Variants in SUMF1 observed in about 807,000 individuals in gnomAD.
SUMF1 encodes sulfatase modifying factor 1.
A neutral mutation model predicts 47.6 loss-of-function variants in SUMF1; 48 were observed. The observed-to-expected ratio is 1.01, with a 90% confidence interval of 0.80 to 1.28. The LOEUF (loss-of-function observed/expected upper bound fraction) is 1.28. Ranked by LOEUF, SUMF1 falls within the 50% of genes most tolerant of loss-of-function variation. The pLI, the probability that SUMF1 is intolerant of heterozygous loss-of-function variation, is 0.00. For missense variants in SUMF1, 571 were observed against 485.4 expected, an observed-to-expected ratio of 1.18 and a Z score of -1.66; for synonymous variants, 230 against 192.1, an observed-to-expected ratio of 1.20 and a Z score of -1.63.
chr3:4,283,413 T>C (rs987415618), intron 8 of SUMF1, among the ~76,000 whole-genome samples: 4 of 152,240 alleles, frequency 2.6e-5, no homozygotes, highest in Admixed American at 6.5e-5. Flanking sequence ...TATTAATACG[T>C]TCTCCAACCC....
intron 9 of SUMF1, among the ~76,000 whole-genome samples, chr3:4,045,141 G>C (rs1449808914): frequency 6.6e-6 from 1 of 152,126 alleles, no homozygotes; most frequent in Admixed American, 6.5e-5. Flanking sequence ...TCCACAGTCA[G>C]TTAATTATAA....
At chr3:4,292,403 C>T (rs1026577457) in intron 8 of SUMF1, among the ~76,000 whole-genome samples, 1 of 152,128 alleles carries the variant, frequency 6.6e-6, no homozygotes, top group East Asian at 1.9e-4. Flanking sequence ...CAGTACATGA[C>T]AAGAAGGGGC....
chr3:4,442,715 C>G (rs1399249926), intron 3 of SUMF1, among the ~76,000 whole-genome samples: 1 of 148,750 alleles, frequency 6.7e-6, no homozygotes, highest in African/African-American at 2.5e-5. Flanking sequence ...TCTCAGAAGA[C>G]AGGAGGCCAT....
In SUMF1 at chr3:4,067,728, T is replaced by C. The variant is rs200929635; in HGVS notation, c.1191+841A>G. Among the ~76,000 whole-genome samples, 22 of 152,234 alleles carry C rather than the reference T, an allele frequency of 1.4e-4. No individual in the cohort carries two copies. The East Asian group carries it at 3.5e-3, about 24-fold the overall frequency. ...AAAGAAATCCATTCATATACTTTTC[T>C]CCCAGAATTCTGATGTCCTGCAGGT... On this transcript the variant is annotated intron_variant and NMD_transcript_variant, in intron 9 of 12. Transcript: ENST00000448413.
intron 3 of SUMF1, among the ~76,000 whole-genome samples, chr3:4,445,743 T>C (rs908242811): frequency 6.6e-6 from 1 of 152,136 alleles, no homozygotes; most frequent in African/African-American, 2.4e-5. Context: ...ACTAAATATA[T>C]ACACAGACAC....
At chr3:4,107,394 T>C (rs1298608931) in intron 8 of SUMF1, among the ~76,000 whole-genome samples, 1 of 152,142 alleles carries the variant, frequency 6.6e-6, no homozygotes, top group African/African-American at 2.4e-5. Flanking sequence ...GAGAGGCAGC[T>C]ATCACTGAGG....
chr3:4,433,210 T>C (rs1702291959), intron 3 of SUMF1, among the ~76,000 whole-genome samples: 1 of 152,220 alleles, frequency 6.6e-6, no homozygotes, highest in Non-Finnish European at 1.5e-5. Context: ...TCAGAATCAT[T>C]GTTACCTCTT....
chr3:4,257,953 C>T lies in SUMF1; in HGVS notation c.1014+118377G>A, dbSNP rs1383445580. ...AACAGAACAGAGCCCTCAGAAATAA[C>T]GCCGCATGTCTACAACTATCTGATC... On this transcript the variant is annotated intron_variant and NMD_transcript_variant, in intron 8 of 12. Transcript: ENST00000448413. 7.4e-4 allele frequency among the ~76,000 whole-genome samples: 113 copies of T among 151,994 alleles called. 1 individual carries two copies. Among genetic ancestry groups the T allele is most frequent in the Admixed American group, 1.5e-3 (23 of 15,268 alleles).
At chr3:4,174,356 CAA>C (rs547741138) in intron 8 of SUMF1, among the ~76,000 whole-genome samples, 71,825 of 112,064 alleles carry the variant, frequency 0.64, 21,654 homozygotes, top group South Asian at 0.69. Context: ...ACTCCGTCTC[CAA>C]AAAAAAAAAA....
rs529027599 is a variant in SUMF1, at chr3:4,383,161, T to TGGAGGTCA, written c.955-6780_955-6773dup. On this transcript the variant is annotated intron_variant, in intron 7 of 8. Transcript: ENST00000272902. Reference sequence around the variant, plus strand: ...TGGGAGGCCAAGGCAGACGGATCACTGGAGGTCAGGAGCTCAAGACCATCC... The same window carrying TGGAGGTCA: ...TGGGAGGCCAAGGCAGACGGATCACTGGAGGTCAGGAGGTCAGGAGCTCAAGACCATCC... 2.7e-3 allele frequency among the ~76,000 whole-genome samples: 409 copies of TGGAGGTCA among 152,194 alleles called. 1 individual carries two copies. The highest frequency in any genetic ancestry group is 9.4e-3 in the African/African-American group (392 of 41,522).
intron 8 of SUMF1, among the ~76,000 whole-genome samples, chr3:4,243,771 T>A (rs1400488779): frequency 6.6e-6 from 1 of 152,200 alleles, no homozygotes; most frequent in Non-Finnish European, 1.5e-5. Context: ...TGAAGATATC[T>A]AAGGTTCGCA....
chr3:4,422,382 A>C (rs1006287542), intron 3 of SUMF1, among the ~76,000 whole-genome samples: 2 of 152,214 alleles, frequency 1.3e-5, no homozygotes, highest in Non-Finnish European at 2.9e-5. Flanking sequence ...TTAAAAAATA[A>C]AAATAAAAAA....
At chr3:4,056,968 G>A (rs7615905) in intron 9 of SUMF1, among the ~76,000 whole-genome samples, 30,671 of 151,504 alleles carry the variant, frequency 0.2, 3,874 homozygotes, top group Middle Eastern at 0.3. Context: ...GGATGGTCTC[G>A]ATCTCCTGAC....
chr3:4,266,297 A>T (rs1013879592), intron 8 of SUMF1, among the ~76,000 whole-genome samples: 8 of 151,842 alleles, frequency 5.3e-5, no homozygotes, highest in Admixed American at 2.0e-4. Flanking sequence ...GGGGATGGCA[A>T]TGAATCTATA....
intron 8 of SUMF1, among the ~76,000 whole-genome samples, chr3:4,337,819 A>T (rs308730): frequency 0.78 from 118,560 of 152,074 alleles, 46,750 homozygotes; most frequent in African/African-American, 0.9. Flanking sequence ...TTATTTTGGA[A>T]GTGTTTTCTT....
At chr3:4,082,227 G>A (rs1445477712) in intron 8 of SUMF1, among the ~76,000 whole-genome samples, 1 of 151,990 alleles carries the variant, frequency 6.6e-6, no homozygotes, top group African/African-American at 2.4e-5. Context: ...CAGCATTTTG[G>A]GAGCCCAAGG....
intron 8 of SUMF1, among the ~76,000 whole-genome samples, chr3:4,332,371 T>C (rs996764145): frequency 2.0e-5 from 3 of 152,374 alleles, no homozygotes; most frequent in African/African-American, 7.2e-5. Flanking sequence ...ACAGCTCTTA[T>C]GTGAAACAAG....
chr3:4,401,046 T>C (rs1701196114), intron 7 of SUMF1, among the ~76,000 whole-genome samples: 1 of 141,168 alleles, frequency 7.1e-6, no homozygotes, highest in Non-Finnish European at 1.5e-5. Context: ...CTCCCACCCA[T>C]GAGTGAGAAC....
intron 8 of SUMF1, among the ~76,000 whole-genome samples, chr3:4,207,011 G>A (rs184356827): frequency 4.6e-5 from 7 of 151,760 alleles, no homozygotes; most frequent in Non-Finnish European, 8.8e-5. Context: ...ACCTACTTAC[G>A]TCTCATTAAT....
Sources: allele counts gnomAD v4.1 joint callset (sites outside exome capture counted in the v4.1 genomes callset), GRCh38; gene constraint gnomAD v4.1.1; transcripts MANE v1.5; gene names NCBI Gene and HGNC (gene_info 2026-07-23, HGNC 2026-07-21).